Variants in SHISA9 observed in about 807,000 individuals in gnomAD.
The protein encoded by SHISA9 is protein shisa-9.
SHISA9 carries 13 observed loss-of-function variants against 38.0 expected under a neutral mutation model. The ratio of observed to expected loss-of-function variants is 0.34; its 90% CI spans 0.22 to 0.54. The LOEUF is 0.54. SHISA9 is among the 20% of genes least tolerant of loss of function. The pLI is 0.91. For missense variants in SHISA9, 538 were observed against 575.8 expected, an observed-to-expected ratio of 0.93 and a Z score of 0.67; for synonymous variants, 275 against 242.0, an observed-to-expected ratio of 1.14 and a Z score of -1.27.
At chr16:13,206,747 C>T (rs2051068683) in intron 3 of SHISA9, among the ~76,000 whole-genome samples, 1 of 152,224 alleles carries the variant, frequency 6.6e-6, no homozygotes, top group Non-Finnish European at 1.5e-5. Context: ...CCATGTTTCA[C>T]ATTGAATTTC....
At chr16:13,469,432 A>G in the SHISA9 span, among the ~76,000 whole-genome samples, 2,883 of 131,048 alleles carry the variant, frequency 0.022, 60 homozygotes, top group East Asian at 0.13. Flanking sequence ...AAAAAGAAAG[A>G]AAGAGAAAGA....
chr16:13,501,442 G>A, the SHISA9 span, among the ~76,000 whole-genome samples: 1 of 152,150 alleles, frequency 6.6e-6, no homozygotes, highest in Non-Finnish European at 1.5e-5. Context: ...CAGTGGGAGG[G>A]TCTTTGAAAG....
chr16:12,957,912 G>A (rs905242026), intron 2 of SHISA9, among the ~76,000 whole-genome samples: 12 of 152,172 alleles, frequency 7.9e-5, no homozygotes, highest in Non-Finnish European at 1.5e-4. Flanking sequence ...TAAAGACACT[G>A]ATACCAGCAA....
At chr16:13,390,034 A>G in the SHISA9 span, among the ~76,000 whole-genome samples, 5 of 152,210 alleles carry the variant, frequency 3.3e-5, no homozygotes, top group Non-Finnish European at 7.3e-5. Flanking sequence ...TGCAAAATAT[A>G]CGACTTGAAA....
the SHISA9 span, among the ~76,000 whole-genome samples, chr16:13,497,340 C>T: frequency 0.01 from 1,567 of 152,100 alleles, 31 homozygotes; most frequent in African/African-American, 0.037. Context: ...TATCTGTCTA[C>T]CAAATCTGTC....
intron 2 of SHISA9, among the ~76,000 whole-genome samples, chr16:13,040,287 A>C (rs2073118782): frequency 6.6e-6 from 1 of 152,130 alleles, no homozygotes; most frequent in Non-Finnish European, 1.5e-5. Flanking sequence ...AGTTCCAGTC[A>C]CATTGGTTGG....
intron 2 of SHISA9, among the ~76,000 whole-genome samples, chr16:13,114,227 G>C (rs1369500806): frequency 6.6e-6 from 1 of 152,084 alleles, no homozygotes; most frequent in African/African-American, 2.4e-5. Context: ...AGCACTTTGG[G>C]AGGCTGAGGC....
intron 2 of SHISA9, among the ~76,000 whole-genome samples, chr16:13,165,326 C>A (rs1253712293): frequency 6.6e-6 from 1 of 152,052 alleles, no homozygotes; most frequent in African/African-American, 2.4e-5. Context: ...ATTGTGTTTT[C>A]CAGTTTACTA....
chr16:13,061,938 T>G (rs2073381342), intron 2 of SHISA9, among the ~76,000 whole-genome samples: 1 of 152,116 alleles, frequency 6.6e-6, no homozygotes, highest in African/African-American at 2.4e-5. Flanking sequence ...TTCCTTAAGT[T>G]GGACGGAGCT....
intron 2 of SHISA9, among the ~76,000 whole-genome samples, chr16:12,936,606 C>T (rs559141275): frequency 5.3e-5 from 8 of 152,316 alleles, no homozygotes; most frequent in African/African-American, 9.6e-5. Context: ...TCACTTCCCA[C>T]GAGCTTCTCC....
chr16:13,355,758 T>C, the SHISA9 span, among the ~76,000 whole-genome samples: 1 of 152,110 alleles, frequency 6.6e-6, no homozygotes, highest in Non-Finnish European at 1.5e-5. Context: ...TACCTTCCAC[T>C]GTGAGAGTTA....
At chr16:13,007,692 G>A (rs1230504125) in intron 2 of SHISA9, among the ~76,000 whole-genome samples, 1 of 152,176 alleles carries the variant, frequency 6.6e-6, no homozygotes, top group Non-Finnish European at 1.5e-5. Context: ...ATGCAGATCT[G>A]CTCACTGTTC....
chr16:13,176,675 G>A (rs922549195), intron 2 of SHISA9, among the ~76,000 whole-genome samples: 5 of 152,072 alleles, frequency 3.3e-5, no homozygotes, highest in African/African-American at 9.7e-5. Flanking sequence ...CCATCTCTGA[G>A]CTGGCTTTTT....
the SHISA9 span, among the ~76,000 whole-genome samples, chr16:13,349,156 C>G: frequency 4.6e-5 from 7 of 152,152 alleles, no homozygotes; most frequent in Non-Finnish European, 1.0e-4. Flanking sequence ...CTTTATATAG[C>G]AAATATCAAC....
intron 2 of SHISA9, among the ~76,000 whole-genome samples, chr16:13,024,255 G>C (rs2141869735): frequency 6.6e-6 from 1 of 152,312 alleles, no homozygotes; most frequent in East Asian, 1.9e-4. Flanking sequence ...GCCTCTTACT[G>C]GCAGCTGTAG....
At chr16:12,953,204 C>T (rs893904275) in intron 2 of SHISA9, among the ~76,000 whole-genome samples, 2 of 144,580 alleles carry the variant, frequency 1.4e-5, no homozygotes, top group Non-Finnish European at 3.1e-5. Context: ...AACAAAAAAA[C>T]CCCTCAACAA....
intron 2 of SHISA9, among the ~76,000 whole-genome samples, chr16:12,930,422 C>T (rs530189463): frequency 5.3e-5 from 8 of 152,290 alleles, no homozygotes; most frequent in Middle Eastern, 3.4e-3. Flanking sequence ...CATTACCTGG[C>T]GATTATGAAA....
At chr16:13,299,598 C>T in the SHISA9 span, among the ~76,000 whole-genome samples, 1 of 151,846 alleles carries the variant, frequency 6.6e-6, no homozygotes, top group African/African-American at 2.4e-5. Context: ...CCTGTAATCC[C>T]AGCTACGTGG....
At chr16:13,390,742 T>G in the SHISA9 span, among the ~76,000 whole-genome samples, 1 of 152,206 alleles carries the variant, frequency 6.6e-6, no homozygotes, top group South Asian at 2.1e-4. Context: ...AGGTAGTTTC[T>G]GAGATCAGCA....
Sources: gnomAD v4.1 joint callset for allele counts (sites outside exome capture counted in the v4.1 genomes callset) on GRCh38, gnomAD v4.1.1 for gene constraint, MANE v1.5 for transcripts, NCBI Gene and HGNC (gene_info 2026-07-23, HGNC 2026-07-21) for gene names.